NAALADL2: variants seen among roughly 807,000 people sequenced by gnomAD.
NAALADL2 encodes N-acetylated alpha-linked acidic dipeptidase like 2.
Under a neutral mutation model 87.2 loss-of-function variants are expected in NAALADL2, and 76 were observed. That is an observed-to-expected ratio of 0.87 (90% CI 0.72 to 1.05). The LOEUF (loss-of-function observed/expected upper bound fraction) is 1.05. Ranked by LOEUF, NAALADL2 falls within the 50% of genes least tolerant of loss-of-function variation. The probability of loss-of-function intolerance (pLI) is 0.00; values close to 1 mark genes in which losing one functional copy is unlikely to be tolerated. For missense variants in NAALADL2, 1,089 were observed against 945.8 expected (o/e 1.15, Z -1.99); for synonymous variants, 354 against 331.0 (o/e 1.07, Z -0.75).
At chr3:175,218,471 CT>C (rs770503114) in intron 2 of NAALADL2, among the ~76,000 whole-genome samples, 1 of 148,536 alleles carries the variant, frequency 6.7e-6, no homozygotes, top group Non-Finnish European at 1.5e-5. Flanking sequence ...GTTTTAAACT[CT>C]TTTTTTATCC....
At chr3:174,970,143 A>G (rs1743430371) in intron 1 of NAALADL2, among the ~76,000 whole-genome samples, 1 of 152,206 alleles carries the variant, frequency 6.6e-6, no homozygotes, top group Non-Finnish European at 1.5e-5. Flanking sequence ...TAACCCTTAA[A>G]GGATGACTTA....
intron 9 of NAALADL2, among the ~76,000 whole-genome samples, chr3:175,559,830 A>G (rs1582400760): frequency 6.6e-6 from 1 of 152,164 alleles, no homozygotes; most frequent in East Asian, 1.9e-4. Context: ...GTTGAATGTT[A>G]TTTGCTAGTG....
rs530860147 is a variant in NAALADL2, at chr3:175,216,213, A to G, written c.546-17718A>G. 4.6e-5 allele frequency among the ~76,000 whole-genome samples: 7 copies of G among 152,286 alleles called. No homozygotes were observed. The South Asian group carries it at 1.2e-3, about 27-fold the overall frequency. The stretch of plus-strand genomic sequence containing the variant: ...AGATGACCAATTTTGAATATTATGT[A>G]CCGTGATTCCCCCTTCCCCTTGCCT... On this transcript the variant is annotated intron_variant, in intron 2 of 13. Transcript: ENST00000454872.
At chr3:175,381,479 G>A (rs1181884909) in intron 5 of NAALADL2, among the ~76,000 whole-genome samples, 2 of 151,810 alleles carry the variant, frequency 1.3e-5, no homozygotes, top group African/African-American at 4.8e-5. Context: ...ATATTTATTA[G>A]TAATGATTCA....
intron 1 of NAALADL2, among the ~76,000 whole-genome samples, chr3:174,948,533 G>T (rs1477687747): frequency 1.3e-5 from 2 of 152,150 alleles, no homozygotes; most frequent in African/African-American, 4.8e-5. Context: ...GATAACTTTT[G>T]TCTGGTACTT....
intron 12 of NAALADL2, 128 bp from the exon 13 acceptor site, chr3:175,755,092 T>C: frequency 1.4e-6 from 1 of 711,148 alleles, no homozygotes; most frequent in Non-Finnish European, 2.3e-6. Flanking sequence ...GAGAGAACTG[T>C]CAATGACAAT....
At chr3:175,370,445 T>C (rs1288708984) in intron 5 of NAALADL2, among the ~76,000 whole-genome samples, 1 of 152,026 alleles carries the variant, frequency 6.6e-6, no homozygotes, top group African/African-American at 2.4e-5. Context: ...ATGCTTCTAA[T>C]CTTATTCTGT....
Position 174,620,379 on chromosome 3 carries a change from C to T in NAALADL2, c.-115+69742C>T, listed in dbSNP as rs565700940. ...AAATATTTAAAATTTTTATGGGAAA[C>T]ACAGCAACACCTACTGGATATTACA... On this transcript the variant is annotated intron_variant, in intron 2 of 3. Coordinates refer to the NAALADL2 transcript ENST00000434257. Among the ~76,000 whole-genome samples, 13 of 152,020 alleles carry T rather than the reference C, an allele frequency of 8.6e-5. No homozygotes were observed. The East Asian group carries it at 2.5e-3, about 29-fold the overall frequency.
chr3:175,702,978 C>A (rs1288743568), intron 11 of NAALADL2, among the ~76,000 whole-genome samples: 1 of 151,872 alleles, frequency 6.6e-6, no homozygotes, highest in African/African-American at 2.4e-5. Context: ...AGAATTCCAC[C>A]AATGTGCTAC....
At chr3:175,600,695 G>A (rs1722861247) in intron 10 of NAALADL2, among the ~76,000 whole-genome samples, 1 of 151,298 alleles carries the variant, frequency 6.6e-6, no homozygotes, top group Non-Finnish European at 1.5e-5. Flanking sequence ...CCGCTACCAC[G>A]CCCGGCTAAT....
At chr3:174,500,847 T>A (rs1718832760) in intron 1 of NAALADL2, among the ~76,000 whole-genome samples, 2 of 146,342 alleles carry the variant, frequency 1.4e-5, no homozygotes, top group Admixed American at 1.4e-4. Context: ...TATTTTTGGA[T>A]TCCATTGGAT....
chr3:174,673,012 G>T (rs892083012), intron 2 of NAALADL2, among the ~76,000 whole-genome samples: 11 of 152,016 alleles, frequency 7.2e-5, no homozygotes, highest in African/African-American at 2.7e-4. Flanking sequence ...CCCTTTGGCT[G>T]CGGTGTTGAT....
intron 9 of NAALADL2, among the ~76,000 whole-genome samples, chr3:175,517,830 G>A (rs953387579): frequency 3.9e-5 from 6 of 152,120 alleles, no homozygotes; most frequent in Non-Finnish European, 7.3e-5. Context: ...GGAGTACACC[G>A]GATTTTATAG....
chr3:174,538,819 T>C (rs1219084770), intron 1 of NAALADL2, among the ~76,000 whole-genome samples: 1 of 152,134 alleles, frequency 6.6e-6, no homozygotes, highest in East Asian at 1.9e-4. Context: ...GAATCCATCT[T>C]TGACATGGAA....
chr3:174,742,568 T>C (rs1733865128), intron 3 of NAALADL2, among the ~76,000 whole-genome samples: 1 of 151,288 alleles, frequency 6.6e-6, no homozygotes, highest in African/African-American at 2.4e-5. Flanking sequence ...CAAAAAAGAG[T>C]ATTTATTGAA....
chr3:174,936,610 A>G (rs1434559811), intron 1 of NAALADL2, among the ~76,000 whole-genome samples: 2 of 152,128 alleles, frequency 1.3e-5, no homozygotes, highest in Non-Finnish European at 2.9e-5. Flanking sequence ...TTGTTTTGGT[A>G]ATACTTTAGT....
At chr3:175,733,457 G>A (rs553585383) in intron 11 of NAALADL2, among the ~76,000 whole-genome samples, 14 of 152,188 alleles carry the variant, frequency 9.2e-5, no homozygotes, top group African/African-American at 2.4e-4. Context: ...GGAAAGACCC[G>A]CTCCCATGAT....
At chr3:174,591,825 T>C (rs1177036315) in intron 2 of NAALADL2, among the ~76,000 whole-genome samples, 1 of 152,116 alleles carries the variant, frequency 6.6e-6, no homozygotes, top group Non-Finnish European at 1.5e-5. Flanking sequence ...ATTTAGTTGG[T>C]TTGTTGGTTT....
chr3:175,354,684 C>T (rs1252797192), intron 5 of NAALADL2, among the ~76,000 whole-genome samples: 1 of 151,770 alleles, frequency 6.6e-6, no homozygotes, highest in Non-Finnish European at 1.5e-5. Context: ...TGCTATGTTT[C>T]CAGGCTAGAG....
Sources: allele counts gnomAD v4.1 joint callset (sites outside exome capture counted in the v4.1 genomes callset), GRCh38; gene constraint gnomAD v4.1.1; transcripts MANE v1.5; gene names NCBI Gene and HGNC (gene_info 2026-07-23, HGNC 2026-07-21).